UBR2: variants seen among roughly 807,000 people sequenced by gnomAD.
The protein encoded by UBR2 is ubiquitin protein ligase E3 component n-recognin 2, also known as E3 ubiquitin-protein ligase UBR2.
In UBR2, 92 loss-of-function variants were observed where a neutral mutation model predicts 247.9. That is an observed-to-expected ratio of 0.37 (90% CI 0.31 to 0.44). UBR2 has a LOEUF of 0.44. Ranked by LOEUF, UBR2 falls within the 20% of genes least tolerant of loss-of-function variation. The pLI is 1.00. For synonymous variants in UBR2, 672 were observed against 693.5 expected, an observed-to-expected ratio of 0.97 and a Z score of 0.49; for missense variants, 1,613 against 2,112.6, an observed-to-expected ratio of 0.76 and a Z score of 4.64.
intron 36 of UBR2, among the ~76,000 whole-genome samples, chr6:42,672,717 A>G (rs1486239985): frequency 6.6e-6 from 1 of 152,074 alleles, no homozygotes; most frequent in South Asian, 2.1e-4. Context: ...ATGCTGTTCA[A>G]GCTTTCCCTT....
chr6:42,637,280 C>G (rs774056989), intron 15 of UBR2, 86 bp downstream of exon 15: 4 of 1,381,106 alleles, frequency 2.9e-6, no homozygotes, highest in Non-Finnish European at 4.0e-6. Flanking sequence ...TTACTTTGTG[C>G]CAGATGTTAT....
chr6:42,639,923 G>A (rs1047230432), intron 15 of UBR2, among the ~76,000 whole-genome samples: 11 of 152,156 alleles, frequency 7.2e-5, no homozygotes, highest in African/African-American at 2.7e-4. Context: ...AGCTACTCGG[G>A]AGGCTGAGGC....
intron 7 of UBR2, among the ~76,000 whole-genome samples, chr6:42,609,899 A>AAAAAAAAAAG (rs556233361): frequency 6.6e-6 from 1 of 151,496 alleles, no homozygotes; most frequent in East Asian, 1.9e-4. Context: ...CTGTTACAAA[A>AAAAAAAAAAG]AAAAAAAAAG....
At chr6:42,657,006 G>A (rs1292386643) in intron 26 of UBR2, among the ~76,000 whole-genome samples, 2 of 151,994 alleles carry the variant, frequency 1.3e-5, no homozygotes, top group African/African-American at 4.8e-5. Context: ...AGATCAAGGT[G>A]GATGAATCAC....
chr6:42,619,525 G>A, intron 11 of UBR2: 1 of 226,434 alleles, frequency 4.4e-6, no homozygotes, highest in Non-Finnish European at 8.1e-6. Flanking sequence ...AAGGCAGGTG[G>A]ATCACCTGAG....
intron 16 of UBR2, among the ~76,000 whole-genome samples, 164 bp downstream of exon 16, chr6:42,640,434 G>A (rs1352776404): frequency 5.2e-5 from 6 of 115,340 alleles, no homozygotes; most frequent in Non-Finnish European, 7.5e-5. Flanking sequence ...GTGTGTGTGT[G>A]TATAGATACA....
At chr6:42,639,531 G>A (rs1796298202) in intron 15 of UBR2, among the ~76,000 whole-genome samples, 1 of 152,232 alleles carries the variant, frequency 6.6e-6, no homozygotes, top group Non-Finnish European at 1.5e-5. Context: ...CTGGGAGGCA[G>A]AGGTTGCAGT....
At chr6:42,686,008 A>G (rs935259310) in intron 44 of UBR2, among the ~76,000 whole-genome samples, 1 of 152,156 alleles carries the variant, frequency 6.6e-6, no homozygotes, top group African/African-American at 2.4e-5. Flanking sequence ...TGGAATATTA[A>G]GCATTCCATT....
chr6:42,686,806 A>T (rs1799436436), intron 44 of UBR2, among the ~76,000 whole-genome samples: 1 of 151,444 alleles, frequency 6.6e-6, no homozygotes. Context: ...CACTTCCCAG[A>T]CGGGGCGGCT....
chr6:42,663,208 TTTATGTAAATTACCATTG>T (rs1797920225), intron 31 of UBR2, 32 bp from the exon 32 acceptor site: 1 of 1,418,930 alleles, frequency 7.0e-7, no homozygotes, highest in Non-Finnish European at 9.4e-7. Context: ...ATGGCTGTCA[TTTATGTAAATTACCATTG>T]TTTTGATACC....
intron 1 of UBR2, among the ~76,000 whole-genome samples, chr6:42,571,718 G>A (rs1166714993): frequency 7.7e-5 from 11 of 142,814 alleles, no homozygotes; most frequent in Non-Finnish European, 1.3e-4. Flanking sequence ...ACTCCAGCCT[G>A]GGCGACAGCA....
chr6:42,632,729 T>G lies in UBR2; in HGVS notation c.1445+14T>G, dbSNP rs1184329603. 6.3e-7 allele frequency: 1 copy of G among 1,590,048 alleles called. No homozygotes were observed. Among genetic ancestry groups the G allele is most frequent in the African/African-American group, 1.4e-5 (1 of 73,434 alleles). On this transcript the variant is annotated intron_variant, in intron 12 of 46. Coordinates refer to ENST00000372901, the MANE Select transcript of UBR2 (RefSeq NM_001363705.2). ...TTTAGATCTCAAGTAAGTTTTCATT[T>G]AATTATTAAACCAGTTGCAATTTAT...
intron 2 of UBR2, among the ~76,000 whole-genome samples, chr6:42,578,824 A>G (rs1293530754): frequency 1.3e-5 from 2 of 152,138 alleles, no homozygotes; most frequent in Non-Finnish European, 2.9e-5. Flanking sequence ...TTAGCTGGGC[A>G]TGGTGGTTCA....
intron 38 of UBR2, among the ~76,000 whole-genome samples, chr6:42,674,702 C>A (rs1193626206): frequency 6.6e-6 from 1 of 151,320 alleles, no homozygotes; most frequent in Non-Finnish European, 1.5e-5. Flanking sequence ...GCGGAGGTTG[C>A]AGTGACCAAG....
At chr6:42,596,576 G>A (rs1484847447) in intron 4 of UBR2, among the ~76,000 whole-genome samples, 2 of 152,094 alleles carry the variant, frequency 1.3e-5, no homozygotes, top group Non-Finnish European at 2.9e-5. Flanking sequence ...GGTAGAAACA[G>A]CCCAAATGTC....
intron 25 of UBR2, 111 bp downstream of exon 25, chr6:42,652,756 C>T: frequency 1.9e-6 from 2 of 1,028,062 alleles, no homozygotes; most frequent in South Asian, 1.6e-5. Context: ...TTGTGTTTTC[C>T]TAACTTGAAT....
rs1329937177 is a variant in UBR2, at chr6:42,673,907, T to A, written c.4183+20T>A. On this transcript the variant is annotated intron_variant, in intron 37 of 46. Coordinates refer to ENST00000372901, the MANE Select transcript of UBR2 (RefSeq NM_001363705.2). ...TTGCATGTGAGTATTAATACATTTA[T>A]AACATGTTGTAATTTTTCATCCTCT... The A allele has an allele frequency of 3.8e-6, 6 of 1,573,634 alleles. No individual in the cohort carries two copies. In the South Asian group the frequency reaches 6.8e-5, roughly 18 times the overall value.
rs1456526205 is a variant in UBR2 at position 42,632,584 on chromosome 6, G to A, written c.1314G>A (p.Met438Ile). The A allele has an allele frequency of 3.1e-6, 5 of 1,607,574 alleles. No homozygotes were observed. The African/African-American group carries it at 4.0e-5, about 13-fold the overall frequency. The change falls in exon 12 of 47, where the codon ATG (methionine) becomes ATA (isoleucine). Residue 438 changes from methionine (M) to isoleucine (I), a missense_variant. Physicochemically the swap from Met to Ile is conservative, Grantham distance 10. Transcript: ENST00000372901. Reference sequence around the variant, plus strand: ...TGCTCATCACAGAAGAAAACTTAATGAGCATTATCATTAAGACTTTTATGG... The same window carrying A: ...TGCTCATCACAGAAGAAAACTTAATAAGCATTATCATTAAGACTTTTATGG... ...ARMLITEENL[M>I]SIIIKTFMDH... is the part of the protein sequence containing the mutation.
intron 32 of UBR2, chr6:42,664,418 A>G (rs746880003): frequency 3.3e-5 from 5 of 152,244 alleles, no homozygotes; most frequent in Non-Finnish European, 5.9e-5. Flanking sequence ...TGCTTTTCGA[A>G]TCTGAACTTC....
Sources: allele counts gnomAD v4.1 joint callset (sites outside exome capture counted in the v4.1 genomes callset), GRCh38; gene constraint gnomAD v4.1.1; transcripts MANE v1.5; gene names NCBI Gene and HGNC (gene_info 2026-07-23, HGNC 2026-07-21).